WWOX: variants seen among roughly 807,000 people sequenced by gnomAD.
The protein encoded by WWOX is WW domain containing oxidoreductase.
Under a neutral mutation model 46.2 loss-of-function variants are expected in WWOX, and 69 were observed. That is an observed-to-expected ratio of 1.49 (90% CI 1.23 to 1.82). The LOEUF (loss-of-function observed/expected upper bound fraction) is 1.82. WWOX is among the 40% of genes most tolerant of loss of function. The pLI, the probability that WWOX is intolerant of heterozygous loss-of-function variation, is 0.00. For missense variants in WWOX, 919 were observed against 542.6 expected (o/e 1.69, Z -6.89); for synonymous variants, 359 against 202.6 (o/e 1.77, Z -6.56).
In WWOX at chr16:78,886,724, G is replaced by C. The variant is rs575415557; in HGVS notation, c.1057-324884G>C. ...AGAAAAACATATAGAGAAAGAATAT[G>C]TCTAAAAGAAACTGCAGAGGCAGCT... On this transcript the variant is annotated intron_variant, in intron 8 of 8. Transcript: ENST00000566780. Among the ~76,000 whole-genome samples the C allele has an allele frequency of 1.7e-4, 25 of 151,456 alleles. No homozygotes were observed. The South Asian group carries it at 5.2e-3, about 31-fold the overall frequency.
At chr16:78,776,362 C>G (rs2050190321) in intron 8 of WWOX, among the ~76,000 whole-genome samples, 2 of 151,998 alleles carry the variant, frequency 1.3e-5, no homozygotes, top group Non-Finnish European at 2.9e-5. Context: ...TGCCTGGAGT[C>G]CTGCCTCTGT....
chr16:78,853,480 A>G (rs1420459997), intron 8 of WWOX, among the ~76,000 whole-genome samples: 1 of 152,168 alleles, frequency 6.6e-6, no homozygotes, highest in Non-Finnish European at 1.5e-5. Context: ...TTGATCATCA[A>G]AATCCAGAAA....
chr16:79,105,667 T>G (rs2049294104), intron 8 of WWOX, among the ~76,000 whole-genome samples: 1 of 151,814 alleles, frequency 6.6e-6, no homozygotes, highest in African/African-American at 2.4e-5. Context: ...TTTGTTTTTT[T>G]TTTTTTTGTT....
At chr16:78,825,229 A>T (rs533363568) in intron 8 of WWOX, 220 of 218,244 alleles carry the variant, frequency 1.0e-3, no homozygotes, top group African/African-American at 4.9e-3. Context: ...TGCTCTAGTG[A>T]GATCTAAGAG....
intron 8 of WWOX, among the ~76,000 whole-genome samples, chr16:78,817,571 G>T (rs1466475126): frequency 6.6e-6 from 1 of 152,174 alleles, no homozygotes; most frequent in African/African-American, 2.4e-5. Context: ...TGCCAAGTTG[G>T]CTACAAAACC....
chr16:78,382,513 C>G (rs567248312), intron 5 of WWOX, among the ~76,000 whole-genome samples: 3 of 152,280 alleles, frequency 2.0e-5, no homozygotes, highest in African/African-American at 7.2e-5. Context: ...TTGTTCCTTA[C>G]TGAAGCACAT....
chr16:78,209,419 T>C (rs1471580042), intron 5 of WWOX, among the ~76,000 whole-genome samples: 1 of 152,220 alleles, frequency 6.6e-6, no homozygotes. Flanking sequence ...CACAATTCTA[T>C]CCAAGGCATT....
chr16:78,582,997 T>A (rs1231577799), intron 8 of WWOX, among the ~76,000 whole-genome samples: 1 of 152,200 alleles, frequency 6.6e-6, no homozygotes, highest in Non-Finnish European at 1.5e-5. Context: ...GCGTTTAATC[T>A]TCTTAAGCTC....
At chr16:79,080,233 A>G (rs757503899) in intron 8 of WWOX, among the ~76,000 whole-genome samples, 17 of 152,294 alleles carry the variant, frequency 1.1e-4, no homozygotes, top group Non-Finnish European at 2.1e-4. Flanking sequence ...GAGGGGTGAC[A>G]CTAGCGATAG....
intron 8 of WWOX, among the ~76,000 whole-genome samples, chr16:78,539,175 A>G (rs1335317830): frequency 1.3e-5 from 2 of 152,238 alleles, no homozygotes; most frequent in Admixed American, 1.3e-4. Context: ...TAGACTTTGC[A>G]GTGCATGACA....
intron 8 of WWOX, among the ~76,000 whole-genome samples, chr16:78,594,588 C>T (rs2045438530): frequency 6.6e-6 from 1 of 151,958 alleles, no homozygotes; most frequent in African/African-American, 2.4e-5. Context: ...TAAGCCATGG[C>T]ATTTTCACCT....
chr16:78,741,364 C>T (rs1287950198), intron 8 of WWOX, among the ~76,000 whole-genome samples: 1 of 152,176 alleles, frequency 6.6e-6, no homozygotes, highest in Non-Finnish European at 1.5e-5. Flanking sequence ...AGATCGAGAT[C>T]AGCCGGGCCA....
intron 8 of WWOX, chr16:79,017,215 G>T (rs978648569): frequency 1.3e-5 from 2 of 152,036 alleles, no homozygotes; most frequent in African/African-American, 4.8e-5. Context: ...CGGATCACGA[G>T]GTCAGAAGTT....
At chr16:78,822,429 G>A (rs1349843615) in intron 8 of WWOX, among the ~76,000 whole-genome samples, 2 of 152,158 alleles carry the variant, frequency 1.3e-5, no homozygotes, top group Admixed American at 6.5e-5. Context: ...AGGAGGCAGG[G>A]GTTGCAGTCA....
chr16:78,117,320 A>G (rs2032849354), intron 4 of WWOX, among the ~76,000 whole-genome samples: 1 of 152,012 alleles, frequency 6.6e-6, no homozygotes, highest in African/African-American at 2.4e-5. Flanking sequence ...TCAAGTGCCC[A>G]CAGCTCTTTC....
At chr16:78,443,593 T>C (rs1198538361) in intron 8 of WWOX, among the ~76,000 whole-genome samples, 1 of 152,204 alleles carries the variant, frequency 6.6e-6, no homozygotes, top group Non-Finnish European at 1.5e-5. Context: ...CCTCGGCCTT[T>C]GTTCCTGAAT....
intron 5 of WWOX, chr16:78,168,283 C>G (rs1195481073): frequency 1.3e-5 from 2 of 152,234 alleles, no homozygotes; most frequent in African/African-American, 4.8e-5. Context: ...TCGCCATGTT[C>G]TAGAACATTC....
chr16:78,877,310 T>C (rs1240513893), intron 8 of WWOX, among the ~76,000 whole-genome samples: 1 of 144,726 alleles, frequency 6.9e-6, no homozygotes, highest in Non-Finnish European at 1.5e-5. Flanking sequence ...CTCCCCCCTG[T>C]GAGCTTTTTC....
chr16:78,991,427 C>G (rs1252216083), intron 8 of WWOX, among the ~76,000 whole-genome samples: 2 of 151,910 alleles, frequency 1.3e-5, no homozygotes, highest in East Asian at 1.9e-4. Flanking sequence ...GACTTCATCT[C>G]TATAAATAAT....
Sources: allele counts gnomAD v4.1 joint callset (sites outside exome capture counted in the v4.1 genomes callset), GRCh38; gene constraint gnomAD v4.1.1; transcripts MANE v1.5; gene names NCBI Gene and HGNC (gene_info 2026-07-23, HGNC 2026-07-21).